The following NEO1 variants were observed in gnomAD, a reference collection of about 807,000 sequenced individuals.
The protein encoded by NEO1 is neogenin 1.
Under a neutral mutation model 159.7 loss-of-function variants are expected in NEO1, and 63 were observed. The observed-to-expected ratio is 0.39, with a 90% CI of 0.32 to 0.49. The LOEUF (loss-of-function observed/expected upper bound fraction) is 0.49. Among genes scored for constraint, NEO1 ranks in the 20% least tolerant of loss-of-function variants. The pLI is 0.85. For missense variants in NEO1, 1,615 were observed against 1,831.0 expected (o/e 0.88, Z 2.15); for synonymous variants, 633 against 662.0 (o/e 0.96, Z 0.67).
intron 7 of NEO1, among the ~76,000 whole-genome samples, chr15:73,225,205 T>C (rs1157398558): frequency 6.6e-6 from 1 of 152,068 alleles, no homozygotes; most frequent in East Asian, 1.9e-4. Context: ...CCAGTGGAGG[T>C]GGCAGGGGGG....
intron 1 of NEO1, among the ~76,000 whole-genome samples, chr15:73,105,659 G>GT (rs549170074): frequency 6.0e-4 from 91 of 152,142 alleles, no homozygotes; most frequent in Middle Eastern, 6.8e-3. Context: ...TATTGCCTTT[G>GT]TTTTTTATGA....
intron 7 of NEO1, among the ~76,000 whole-genome samples, chr15:73,182,714 A>G (rs2035684324): frequency 6.6e-6 from 1 of 152,134 alleles, no homozygotes; most frequent in South Asian, 2.1e-4. Flanking sequence ...CACTACCACA[A>G]GAACCGTATG....
At chr15:73,074,284 G>C (rs2068667601) in intron 1 of NEO1, among the ~76,000 whole-genome samples, 1 of 152,086 alleles carries the variant, frequency 6.6e-6, no homozygotes, top group African/African-American at 2.4e-5. Flanking sequence ...GAAAATGGAG[G>C]CCTTAATAAC....
chr15:73,086,684 C>CTTTTTT (rs56321563), intron 1 of NEO1, among the ~76,000 whole-genome samples: 3 of 122,036 alleles, frequency 2.5e-5, no homozygotes, highest in African/African-American at 6.4e-5. Context: ...TTCTAGATTT[C>CTTTTTT]TTTTTTTTTT....
intron 20 of NEO1, 27 bp downstream of exon 20, chr15:73,274,032 G>A: frequency 6.2e-7 from 1 of 1,603,526 alleles, no homozygotes; most frequent in Non-Finnish European, 8.5e-7. Flanking sequence ...TGAGGGTTTT[G>A]TTGTGTGTCT....
chr15:73,252,112 C>T (rs906202063), intron 11 of NEO1, among the ~76,000 whole-genome samples: 1 of 152,196 alleles, frequency 6.6e-6, no homozygotes, highest in Non-Finnish European at 1.5e-5. Flanking sequence ...GCTTGAGGCA[C>T]TTTGCTAGGC....
chr15:73,237,312 A>T (rs901579202), intron 8 of NEO1, among the ~76,000 whole-genome samples: 14 of 152,212 alleles, frequency 9.2e-5, no homozygotes, highest in Non-Finnish European at 8.8e-5. Context: ...TTATGGTAAT[A>T]TGTGATATTT....
chr15:73,279,120 T>C (rs181876317), intron 22 of NEO1, among the ~76,000 whole-genome samples: 6 of 152,178 alleles, frequency 3.9e-5, no homozygotes, highest in Non-Finnish European at 8.8e-5. Context: ...GCCCAGACTT[T>C]AATGAAATCA....
chr15:73,103,976 T>C (rs2151527022), intron 1 of NEO1, among the ~76,000 whole-genome samples: 1 of 152,270 alleles, frequency 6.6e-6, no homozygotes, highest in Admixed American at 6.5e-5. Context: ...CACCACAGCC[T>C]CCCAAGTAGC....
chr15:73,167,751 T>C (rs1309608069), intron 5 of NEO1, among the ~76,000 whole-genome samples: 1 of 152,184 alleles, frequency 6.6e-6, no homozygotes, highest in Non-Finnish European at 1.5e-5. Context: ...TTTGTGAATT[T>C]TTCAAAATAA....
chr15:73,132,662 C>G (rs960780375), intron 4 of NEO1, among the ~76,000 whole-genome samples: 1 of 152,106 alleles, frequency 6.6e-6, no homozygotes, highest in African/African-American at 2.4e-5. Flanking sequence ...TATCCAGAAG[C>G]TAGAAGGAAC....
In NEO1 at chr15:73,253,343, A is replaced by G. The variant is rs1027015286; in HGVS notation, c.1895-57A>G. 9.0e-6 allele frequency: 9 copies of G among 996,332 alleles called. 1 individual carries two copies. Among genetic ancestry groups the G allele is most frequent in the African/African-American group, 1.6e-5 (1 of 61,720 alleles). 61.7% of individuals were successfully genotyped at this position (996,332 alleles called of 1,614,324 possible). A position where few individuals can be genotyped will look rare whatever the true frequency, so the allele number is the denominator to read the frequency against. The stretch of plus-strand genomic sequence containing the variant: ...AAAGTCCAGCCAAGATGATCACATG[A>G]TGGGTGATGTATGGGTGATTAAAAA... On this transcript the variant is annotated intron_variant, in intron 11 of 28. Coordinates refer to ENST00000261908, the MANE Select transcript of NEO1 (RefSeq NM_002499.4).
At chr15:73,100,908 T>C (rs1003445739) in intron 1 of NEO1, among the ~76,000 whole-genome samples, 4 of 152,154 alleles carry the variant, frequency 2.6e-5, no homozygotes, top group Non-Finnish European at 5.9e-5. Flanking sequence ...ACCACCACCC[T>C]TCTCTCATCA....
intron 7 of NEO1, among the ~76,000 whole-genome samples, chr15:73,182,731 A>G (rs1456663376): frequency 6.6e-6 from 1 of 152,070 alleles, no homozygotes; most frequent in Non-Finnish European, 1.5e-5. Context: ...TATGGGGAGA[A>G]CCACCCCCAT....
intron 3 of NEO1, among the ~76,000 whole-genome samples, chr15:73,125,253 G>A (rs2030034456): frequency 6.6e-6 from 1 of 152,200 alleles, no homozygotes; most frequent in African/African-American, 2.4e-5. Flanking sequence ...ATTGTTTTGG[G>A]TTGTACTGGT....
chr15:73,110,185 G>A (rs970938405), intron 1 of NEO1, among the ~76,000 whole-genome samples: 7 of 152,180 alleles, frequency 4.6e-5, no homozygotes, highest in East Asian at 1.9e-4. Context: ...GGAGACTGAC[G>A]AGAAGGGATG....
At chr15:73,157,384 A>G (rs1349552793) in intron 5 of NEO1, among the ~76,000 whole-genome samples, 1 of 152,180 alleles carries the variant, frequency 6.6e-6, no homozygotes, top group East Asian at 1.9e-4. Context: ...ATGGCCTCTT[A>G]CTGTAGCTGC....
intron 7 of NEO1, among the ~76,000 whole-genome samples, chr15:73,200,769 G>A (rs1010916812): frequency 2.6e-4 from 37 of 144,776 alleles, no homozygotes; most frequent in African/African-American, 6.1e-4. Flanking sequence ...CGGCAGCCTC[G>A]ACTTCCTGGG....
chr15:73,282,417 C>G (rs879240315), intron 22 of NEO1, among the ~76,000 whole-genome samples: 1 of 152,312 alleles, frequency 6.6e-6, no homozygotes, highest in South Asian at 2.1e-4. Flanking sequence ...ATACTTCAGA[C>G]CTACTGTTTC....
Sources: gnomAD v4.1 joint callset for allele counts (sites outside exome capture counted in the v4.1 genomes callset) on GRCh38, gnomAD v4.1.1 for gene constraint, MANE v1.5 for transcripts, NCBI Gene and HGNC (gene_info 2026-07-23, HGNC 2026-07-21) for gene names.